The following RGS6 variants were observed in gnomAD, a reference collection of about 807,000 sequenced individuals.
RGS6 encodes regulator of G-protein signaling 6.
Under a neutral mutation model 78.5 loss-of-function variants are expected in RGS6, and 30 were observed. The ratio of observed to expected loss-of-function variants is 0.38; its 90% confidence interval spans 0.29 to 0.52. The LOEUF is 0.52. RGS6 is among the 20% of genes least tolerant of loss of function. The pLI, the probability that RGS6 is intolerant of heterozygous loss-of-function variation, is 0.85. For missense variants in RGS6, 495 were observed against 609.7 expected (o/e 0.81, Z 1.98); for synonymous variants, 206 against 206.0 (o/e 1.00, Z 0.00).
intron 17 of RGS6, 150 bp downstream of exon 17, chr14:72,540,244 T>C (rs2097306370): frequency 6.5e-7 from 1 of 1,542,988 alleles, no homozygotes; most frequent in East Asian, 2.2e-5. Flanking sequence ...CCTTTTCTTT[T>C]GCGAGTGTCT....
chr14:71,939,805 C>A (rs2090202616), intron 1 of RGS6, among the ~76,000 whole-genome samples: 1 of 152,236 alleles, frequency 6.6e-6, no homozygotes, highest in Non-Finnish European at 1.5e-5. Flanking sequence ...GAATCACCAT[C>A]CCTGCATCTT....
chr14:72,523,940 G>C (rs1325207237), intron 15 of RGS6, among the ~76,000 whole-genome samples: 1 of 152,158 alleles, frequency 6.6e-6, no homozygotes, highest in Non-Finnish European at 1.5e-5. Flanking sequence ...TGTGGTCTGA[G>C]GCAAGGGCCT....
the RGS6 span, among the ~76,000 whole-genome samples, chr14:72,585,437 A>G: frequency 1.3e-5 from 2 of 152,220 alleles, no homozygotes. Context: ...AAGGGAAGGG[A>G]AAAAAGCAGG....
intron 2 of RGS6, among the ~76,000 whole-genome samples, chr14:72,279,040 G>A (rs1216852296): frequency 6.6e-6 from 1 of 151,930 alleles, no homozygotes; most frequent in Non-Finnish European, 1.5e-5. Context: ...CCTTATCATC[G>A]CTTAACCTTA....
chr14:71,868,423 G>A, the RGS6 span, among the ~76,000 whole-genome samples: 3 of 152,140 alleles, frequency 2.0e-5, no homozygotes, highest in African/African-American at 7.2e-5. Context: ...GCAGGGACTG[G>A]AAAAGCAGAA....
chr14:72,442,266 C>G (rs1164519422), intron 3 of RGS6, among the ~76,000 whole-genome samples: 1 of 152,046 alleles, frequency 6.6e-6, no homozygotes. Context: ...CCCCGTTTGA[C>G]CTGGATATAA....
chr14:72,110,487 C>G (rs919912061), intron 2 of RGS6, among the ~76,000 whole-genome samples: 2 of 152,136 alleles, frequency 1.3e-5, no homozygotes, highest in Non-Finnish European at 2.9e-5. Flanking sequence ...TTGACTCTCT[C>G]GGCAGAAAGT....
the RGS6 span, among the ~76,000 whole-genome samples, chr14:72,614,245 T>C: frequency 6.6e-6 from 1 of 152,188 alleles, no homozygotes; most frequent in African/African-American, 2.4e-5. Flanking sequence ...CACGGACCAG[T>C]TAGACTCTAT....
chr14:71,898,285 TCTC>T, the RGS6 span, among the ~76,000 whole-genome samples: 84,287 of 151,690 alleles, frequency 0.56, 25,260 homozygotes, highest in Non-Finnish European at 0.67. Context: ...ATCCCTGACT[TCTC>T]CTCCAACCCT....
At chr14:72,442,835 T>G (rs1248894880) in intron 3 of RGS6, among the ~76,000 whole-genome samples, 2 of 152,364 alleles carry the variant, frequency 1.3e-5, no homozygotes, top group Non-Finnish European at 2.9e-5. Context: ...AGGGCTTAGC[T>G]GTAGCTGGGA....
At chr14:71,961,295 T>C (rs1205688597) in intron 1 of RGS6, among the ~76,000 whole-genome samples, 2 of 152,178 alleles carry the variant, frequency 1.3e-5, no homozygotes, top group Admixed American at 6.5e-5. Flanking sequence ...TGTGAGGTTC[T>C]GAGGGTCTAG....
chr14:72,607,604 A>G, the RGS6 span, among the ~76,000 whole-genome samples: 2 of 152,240 alleles, frequency 1.3e-5, no homozygotes, highest in Admixed American at 6.5e-5. Context: ...CTGGGGTTAA[A>G]GCAGAAATGT....
At chr14:72,034,828 C>T (rs534345626) in intron 2 of RGS6, among the ~76,000 whole-genome samples, 1 of 152,202 alleles carries the variant, frequency 6.6e-6, no homozygotes, top group Non-Finnish European at 1.5e-5. Flanking sequence ...TGATTACTTA[C>T]TTAGTTTCCT....
chr14:72,570,359 C>A (rs1004513943), downstream of RGS6, among the ~76,000 whole-genome samples: 4 of 152,126 alleles, frequency 2.6e-5, no homozygotes, highest in Non-Finnish European at 5.9e-5. Flanking sequence ...AACCAACCCC[C>A]TAATGAATAT....
chr14:72,313,454 C>T (rs2069164464), intron 2 of RGS6, among the ~76,000 whole-genome samples: 1 of 152,206 alleles, frequency 6.6e-6, no homozygotes, highest in African/African-American at 2.4e-5. Context: ...TTCTTTCTTC[C>T]TCTTTCTCTC....
At chr14:71,951,749 T>G (rs2092339214) in intron 1 of RGS6, among the ~76,000 whole-genome samples, 1 of 152,308 alleles carries the variant, frequency 6.6e-6, no homozygotes, top group Admixed American at 6.5e-5. Context: ...TATCCCTTCC[T>G]TTATTTAGAT....
chr14:72,031,933 G>A (rs1390169605), intron 2 of RGS6, among the ~76,000 whole-genome samples: 1 of 152,160 alleles, frequency 6.6e-6, no homozygotes, highest in Non-Finnish European at 1.5e-5. Context: ...AGTGCCAATA[G>A]TTTATTAATA....
intron 2 of RGS6, among the ~76,000 whole-genome samples, chr14:72,097,685 C>T (rs967799628): frequency 6.6e-6 from 1 of 152,184 alleles, no homozygotes; most frequent in Non-Finnish European, 1.5e-5. Flanking sequence ...CCTCCCCCTC[C>T]TCTGCCGGGA....
chr14:71,868,976 C>T, the RGS6 span, among the ~76,000 whole-genome samples: 1 of 152,148 alleles, frequency 6.6e-6, no homozygotes. Context: ...CCATATACAG[C>T]ACCCCTCTGA....
Sources: gnomAD v4.1 joint callset for allele counts (sites outside exome capture counted in the v4.1 genomes callset) on GRCh38, gnomAD v4.1.1 for gene constraint, MANE v1.5 for transcripts, NCBI Gene and HGNC (gene_info 2026-07-23, HGNC 2026-07-21) for gene names.